Variants in SPATA1 observed in about 807,000 individuals in gnomAD.
SPATA1 encodes spermatogenesis associated 1, also known as spermatogenesis-associated protein 1.
SPATA1 carries 57 observed loss-of-function variants against 59.6 expected under a neutral mutation model. The observed-to-expected ratio is 0.96, with a 90% CI of 0.77 to 1.19. The LOEUF is 1.19. SPATA1 is among the 50% of genes most tolerant of loss of function. The pLI is 0.00. For synonymous variants in SPATA1, 147 were observed against 163.9 expected (o/e 0.90, Z 0.79); for missense variants, 448 against 480.7 (o/e 0.93, Z 0.64).
chr1:84,548,342 AT>A (rs1684156929), intron 10 of SPATA1, among the ~76,000 whole-genome samples: 1 of 151,286 alleles, frequency 6.6e-6, no homozygotes, highest in Non-Finnish European at 1.5e-5. Context: ...CTAATGATTA[AT>A]TTTGGATCAG....
chr1:84,513,240 A>G (rs745602639), intron 1 of SPATA1, among the ~76,000 whole-genome samples: 1 of 152,142 alleles, frequency 6.6e-6, no homozygotes, highest in Non-Finnish European at 1.5e-5. Context: ...GGTTCAGGCA[A>G]TTCTTCTGCC....
exon 12 of SPATA1, chr1:84,550,437 C>T (rs991958742): frequency 2.0e-6 from 3 of 1,518,988 alleles, no homozygotes; most frequent in East Asian, 2.4e-5. Flanking sequence ...CACAGAATTA[C>T]CTAATAATCC....
At chr1:84,510,697 T>C (rs1682498681) in intron 1 of SPATA1, among the ~76,000 whole-genome samples, 1 of 152,182 alleles carries the variant, frequency 6.6e-6, no homozygotes, top group East Asian at 1.9e-4. Flanking sequence ...TATATCGAGG[T>C]ATCAGCACTC....
exon 3 of SPATA1, chr1:84,520,599 T>C: frequency 1.3e-6 from 2 of 1,554,446 alleles, no homozygotes; most frequent in Non-Finnish European, 1.7e-6. Flanking sequence ...TGGAACTTCA[T>C]GTTTTTTATG....
chr1:84,533,033 A>G (rs1340046187), intron 7 of SPATA1, 59 bp downstream of exon 7: 7 of 1,152,724 alleles, frequency 6.1e-6, no homozygotes, highest in Non-Finnish European at 8.6e-6. Context: ...AAAAAGAGTA[A>G]GATATTCAGA....
chr1:84,520,484 T>C lies in SPATA1; in HGVS notation c.37-101T>C, dbSNP rs1259460685. The stretch of plus-strand genomic sequence containing the variant: ...AGAGGGATGTATGTATTCCATGTTT[T>C]TTTTCTATTGTGTTTATTAAACTTA... On this transcript the variant is annotated intron_variant, in intron 2 of 12. Transcript: ENST00000490879. The C allele has an allele frequency of 6.7e-6, 5 of 747,706 alleles. No individual in the cohort carries two copies. In the East Asian group the frequency reaches 1.5e-4, roughly 23 times the overall value. The allele number at this position is 747,706 out of a possible 1,614,324, so 46.3% of individuals were successfully genotyped here. A position where few individuals can be genotyped will look rare whatever the true frequency, so the allele number is the denominator to read the frequency against.
downstream of SPATA1, among the ~76,000 whole-genome samples, chr1:84,556,426 T>C (rs1164694669): frequency 6.6e-6 from 1 of 152,088 alleles, no homozygotes; most frequent in Admixed American, 6.6e-5. Flanking sequence ...AGATGACCAC[T>C]TTGGGGCCGG....
intron 8 of SPATA1, among the ~76,000 whole-genome samples, chr1:84,534,421 C>A (rs535265807): frequency 6.6e-6 from 1 of 152,072 alleles, no homozygotes; most frequent in South Asian, 2.1e-4. Context: ...TCATTTAATC[C>A]CCATAAAGGA....
At chr1:84,544,601 T>C (rs1684023094) in intron 9 of SPATA1, among the ~76,000 whole-genome samples, 1 of 152,078 alleles carries the variant, frequency 6.6e-6, no homozygotes, top group South Asian at 2.1e-4. Flanking sequence ...GACTCTGTTG[T>C]CCAGGCTAGA....
At chr1:84,517,478 C>A (rs149717428) in intron 2 of SPATA1, among the ~76,000 whole-genome samples, 1 of 152,256 alleles carries the variant, frequency 6.6e-6, no homozygotes, top group African/African-American at 2.4e-5. Flanking sequence ...TAACTGACAT[C>A]GCCACTTGGA....
chr1:84,527,418 A>G (rs1683267362), intron 6 of SPATA1, among the ~76,000 whole-genome samples: 1 of 152,150 alleles, frequency 6.6e-6, no homozygotes, highest in Non-Finnish European at 1.5e-5. Context: ...AAATAAGTAT[A>G]AAGTATACTT....
At chr1:84,522,485 G>A (rs771518961) in exon 4 of SPATA1, 7 of 1,530,922 alleles carry the variant, frequency 4.6e-6, no homozygotes, top group Non-Finnish European at 6.2e-6. Flanking sequence ...TTTCTGAAAT[G>A]CATTGGAAAT....
chr1:84,557,296 G>A (rs1381243210), downstream of SPATA1, among the ~76,000 whole-genome samples: 2 of 152,130 alleles, frequency 1.3e-5, no homozygotes, highest in South Asian at 2.1e-4. Flanking sequence ...ATTTTGGGAG[G>A]CCAAGATGGG....
chr1:84,563,949 C>T (rs951515437), intron 4 of SPATA1: 11 of 1,181,446 alleles, frequency 9.3e-6, no homozygotes, highest in African/African-American at 6.3e-5. Flanking sequence ...ATAAAAAACA[C>T]TAATATTGTT....
chr1:84,525,635 TA>T, intron 4 of SPATA1, 60 bp from the exon 5 acceptor site: 10 of 1,458,970 alleles, frequency 6.9e-6, no homozygotes, highest in Non-Finnish European at 9.3e-6. Context: ...AAAGTAGAGG[TA>T]AAAATAATTG....
intron 10 of SPATA1, among the ~76,000 whole-genome samples, chr1:84,546,893 T>A (rs1684104948): frequency 1.3e-5 from 2 of 152,210 alleles, no homozygotes. Flanking sequence ...TTGTTAGGAC[T>A]GGTGGACTGA....
downstream of SPATA1, among the ~76,000 whole-genome samples, chr1:84,557,857 CAAA>C (rs375521066): frequency 0.016 from 1,937 of 117,822 alleles, 20 homozygotes; most frequent in Non-Finnish European, 0.021. Context: ...GACTCCATCT[CAAA>C]AAAAAAAAAA....
intron 6 of SPATA1, among the ~76,000 whole-genome samples, chr1:84,532,280 G>C (rs1025216000): frequency 2.0e-5 from 3 of 152,190 alleles, no homozygotes; most frequent in Non-Finnish European, 4.4e-5. Context: ...CATATCACCT[G>C]AGGTCAGGAG....
exon 5 of SPATA1, chr1:84,566,091 T>A (rs972819520): frequency 1.2e-6 from 1 of 843,840 alleles, no homozygotes; most frequent in African/African-American, 1.8e-5. Flanking sequence ...TTATATATAT[T>A]TTTTACCTTA....
Sources: allele counts gnomAD v4.1 joint callset (sites outside exome capture counted in the v4.1 genomes callset), GRCh38; gene constraint gnomAD v4.1.1; transcripts MANE v1.5; gene names NCBI Gene and HGNC (gene_info 2026-07-23, HGNC 2026-07-21).